The following KIF18A variants were observed in gnomAD, a reference collection of about 807,000 sequenced individuals.
KIF18A encodes the protein kinesin-like protein KIF18A.
KIF18A carries 67 observed loss-of-function variants against 103.3 expected under a neutral mutation model. The ratio of observed to expected loss-of-function variants is 0.65; its 90% confidence interval spans 0.53 to 0.79. The LOEUF is 0.79. Ranked by LOEUF, KIF18A falls within the 30% of genes least tolerant of loss-of-function variation. The pLI, the probability that KIF18A is intolerant of heterozygous loss-of-function variation, is 0.00. For missense variants in KIF18A, 1,032 were observed against 1,062.5 expected, an observed-to-expected ratio of 0.97 and a Z score of 0.40; for synonymous variants, 367 against 355.5, an observed-to-expected ratio of 1.03 and a Z score of -0.36.
rs773565737 is a variant in KIF18A, at chr11:28,082,979, G to A, written c.1150-11C>T. 6.6e-7 allele frequency: 1 copy of A among 1,517,822 alleles called. No individual in the cohort carries two copies. The highest frequency in any genetic ancestry group is 1.9e-5 in the Admixed American group (1 of 51,626). 94.0% of individuals were successfully genotyped at this position (1,517,822 alleles called of 1,614,324 possible). ...TTTTAACAATAAAATCTAGTAGAGA[G>A]AAATCACTAGTTAAAATACAAAAGA... On this transcript the variant is annotated splice_polypyrimidine_tract_variant and intron_variant, in intron 8 of 16. Coordinates refer to ENST00000263181, the MANE Select transcript of KIF18A (RefSeq NM_031217.4).
chr11:28,026,622 T>C (rs1195918924), intron 15 of KIF18A, among the ~76,000 whole-genome samples: 2 of 151,736 alleles, frequency 1.3e-5, no homozygotes, highest in Non-Finnish European at 3.0e-5. Flanking sequence ...CTAAAATCAC[T>C]CCAAATACAC....
At chr11:28,082,640 T>C (rs897385595) in intron 9 of KIF18A, among the ~76,000 whole-genome samples, 1 of 152,166 alleles carries the variant, frequency 6.6e-6, no homozygotes, top group Non-Finnish European at 1.5e-5. Flanking sequence ...TTTATTATGA[T>C]ATTTCATTTA....
chr11:28,047,427 T>C (rs1850650757), intron 13 of KIF18A, among the ~76,000 whole-genome samples: 2 of 152,172 alleles, frequency 1.3e-5, no homozygotes, highest in African/African-American at 4.8e-5. Flanking sequence ...TATCTATTTT[T>C]CACTGAATCT....
intron 3 of KIF18A, among the ~76,000 whole-genome samples, chr11:28,091,938 C>A (rs963796185): frequency 7.2e-5 from 11 of 152,162 alleles, no homozygotes; most frequent in African/African-American, 2.4e-4. Context: ...GCCTCAGCCT[C>A]CCCAGTAGCT....
rs192426775 is a variant in KIF18A at position 28,062,583 on chromosome 11, A to G, written c.1591-67T>C. The G allele has an allele frequency of 3.8e-3, 4,550 of 1,212,738 alleles. 20 individuals carry two copies. Among genetic ancestry groups the G allele is most frequent in the Middle Eastern group, 9.0e-3 (30 of 3,350 alleles). The allele number at this position is 1,212,738 out of a possible 1,614,324, so 75.1% of individuals were successfully genotyped here. A position where few individuals can be genotyped will look rare whatever the true frequency, so the allele number is the denominator to read the frequency against. Reference sequence around the variant, plus strand: ...AATATTGAAATTAAATCAGTTTAATAATTTTATATTGTTGCCAATAGTTTT... The same window carrying G: ...AATATTGAAATTAAATCAGTTTAATGATTTTATATTGTTGCCAATAGTTTT... On this transcript the variant is annotated intron_variant, in intron 11 of 16. Coordinates refer to ENST00000263181, the MANE Select transcript of KIF18A (RefSeq NM_031217.4).
At chr11:28,047,276 C>T (rs1399980367) in intron 13 of KIF18A, among the ~76,000 whole-genome samples, 1 of 151,816 alleles carries the variant, frequency 6.6e-6, no homozygotes, top group African/African-American at 2.4e-5. Context: ...GGTTTTAGTC[C>T]ATCGCTACAA....
intron 11 of KIF18A, among the ~76,000 whole-genome samples, chr11:28,064,825 T>C (rs968421727): frequency 7.2e-5 from 11 of 152,182 alleles, no homozygotes; most frequent in African/African-American, 2.4e-4. Flanking sequence ...TTGAGAACTA[T>C]AAGTAGGCCA....
chr11:28,081,804 T>C (rs1158450893), intron 9 of KIF18A, among the ~76,000 whole-genome samples: 2 of 152,166 alleles, frequency 1.3e-5, no homozygotes, highest in African/African-American at 2.4e-5. Context: ...CTGACGGATC[T>C]AGGCAAAATA....
intron 15 of KIF18A, among the ~76,000 whole-genome samples, chr11:28,031,230 C>T (rs1343326585): frequency 6.6e-6 from 1 of 152,110 alleles, no homozygotes. Flanking sequence ...GACACATGCA[C>T]ACGTATGTTT....
intron 11 of KIF18A, among the ~76,000 whole-genome samples, chr11:28,064,994 T>C (rs1997087): frequency 1 from 151,606 of 152,170 alleles, 75,529 homozygotes; most frequent in Middle Eastern, 1. Flanking sequence ...TTTAAAAACT[T>C]GCTTTGGTTG....
intron 3 of KIF18A, among the ~76,000 whole-genome samples, chr11:28,093,990 A>G (rs1254135290): frequency 6.6e-6 from 1 of 152,204 alleles, no homozygotes; most frequent in Non-Finnish European, 1.5e-5. Context: ...TAACATTCCC[A>G]GTATGGGGAC....
chr11:28,028,913 A>T (rs1850357798), intron 15 of KIF18A, among the ~76,000 whole-genome samples: 2 of 152,324 alleles, frequency 1.3e-5, no homozygotes, highest in South Asian at 2.1e-4. Context: ...CTATGCAAAT[A>T]AACTAGAAAA....
chr11:28,080,105 G>A (rs1851145751), intron 9 of KIF18A, among the ~76,000 whole-genome samples: 1 of 151,998 alleles, frequency 6.6e-6, no homozygotes, highest in South Asian at 2.1e-4. Flanking sequence ...TACAAATAAT[G>A]ATTATGTCAG....
At chr11:28,094,559 A>G in intron 3 of KIF18A, 84 bp downstream of exon 3, 1 of 905,300 alleles carries the variant, frequency 1.1e-6, no homozygotes, top group South Asian at 1.9e-5. Context: ...TATTCACCGG[A>G]AAACTCTTAT....
chr11:28,074,326 G>C (rs1040482495), intron 10 of KIF18A, among the ~76,000 whole-genome samples: 1 of 151,954 alleles, frequency 6.6e-6, no homozygotes, highest in Non-Finnish European at 1.5e-5. Flanking sequence ...TAGTTATTTG[G>C]AAGTCATTAC....
rs192963855 is a variant in KIF18A at position 28,107,098 on chromosome 11, C to T, written c.-47+966G>A. On this transcript the variant is annotated intron_variant, in intron 1 of 16. Coordinates refer to ENST00000263181, the MANE Select transcript of KIF18A (RefSeq NM_031217.4). ...TGTTTATTGAAATAGTTCTTACAAA[C>T]TATGAACTTAATAAGAAGCACTATC... Among the ~76,000 whole-genome samples the T allele has an allele frequency of 1.5e-3, 233 of 152,262 alleles. 1 individual carries two copies. Among genetic ancestry groups the T allele is most frequent in the Non-Finnish European group, 2.7e-3 (184 of 68,022 alleles).
chr11:28,067,863 C>G (rs1195362414), intron 11 of KIF18A, among the ~76,000 whole-genome samples: 9 of 152,034 alleles, frequency 5.9e-5, no homozygotes, highest in Non-Finnish European at 1.5e-5. Flanking sequence ...GTTGCTTAGC[C>G]CACATTTACT....
At chr11:28,105,357 C>A (rs944364310) in intron 1 of KIF18A, among the ~76,000 whole-genome samples, 5 of 152,072 alleles carry the variant, frequency 3.3e-5, no homozygotes, top group African/African-American at 1.2e-4. Flanking sequence ...ATATATAACC[C>A]TCAGAAATTT....
chr11:28,097,536 T>C (rs772675150), intron 2 of KIF18A, 87 bp downstream of exon 2: 11 of 856,852 alleles, frequency 1.3e-5, no homozygotes, highest in Middle Eastern at 2.2e-4. Context: ...TTAAATTTGA[T>C]TATATTTAGA....
Sources: allele counts gnomAD v4.1 joint callset (sites outside exome capture counted in the v4.1 genomes callset), GRCh38; gene constraint gnomAD v4.1.1; transcripts MANE v1.5; gene names NCBI Gene and HGNC (gene_info 2026-07-23, HGNC 2026-07-21).